RAB26: variants seen among roughly 807,000 people sequenced by gnomAD.
RAB26 encodes ras-related protein Rab-26.
Under a neutral mutation model 33.1 loss-of-function variants are expected in RAB26, and 39 were observed. That is an observed-to-expected ratio of 1.18 (90% CI 0.91 to 1.54). The LOEUF is 1.54. RAB26 is among the 40% of genes most tolerant of loss of function. The pLI is 0.00. For synonymous variants in RAB26, 192 were observed against 151.9 expected (o/e 1.26, Z -1.94); for missense variants, 468 against 362.9 (o/e 1.29, Z -2.35).
In RAB26 at chr16:2,152,838, CACGAGT is replaced by C; in HGVS notation, c.491_496del (p.Glu164_Tyr165del). 6.2e-7 allele frequency: 1 copy of C among 1,607,584 alleles called. No individual in the cohort carries two copies. Among genetic ancestry groups the C allele is most frequent in the Non-Finnish European group, 8.5e-7 (1 of 1,178,062 alleles). On this transcript the variant is annotated inframe_deletion, in exon 6 of 9. Coordinates refer to ENST00000210187, the MANE Select transcript of RAB26 (RefSeq NM_014353.5). Reference sequence around the variant, plus strand: ...CCCACAGGCCTGGCTGACCGAGATCCACGAGTACGCCCAGCACGACGTGGCGCTCAT... The same window carrying C: ...CCCACAGGCCTGGCTGACCGAGATCCACGCCCAGCACGACGTGGCGCTCAT...
At chr16:2,150,919 C>T (rs2093002803) in intron 2 of RAB26, among the ~76,000 whole-genome samples, 1 of 151,918 alleles carries the variant, frequency 6.6e-6, no homozygotes, top group South Asian at 2.1e-4. Context: ...GGGCCTCAGA[C>T]TGCGGCTGAA....
rs1308743120 is a variant in RAB26 at position 2,148,906 on chromosome 16, G to A, written c.123G>A (p.Pro41=). The change falls in exon 1 of 9, where the codon CCG becomes CCA. Residue 41 remains proline, a synonymous_variant. Transcript: ENST00000210187. ...SGTALSGPDA[P]PNGPLQPGRP... is the part of the protein sequence containing the mutation. ...CTGCGCTTTCCGGCCCCGACGCGCC[G>A]CCCAACGGGCCCTTGCAGCCCGGCC... 9 of 1,322,858 alleles carry A rather than the reference G, an allele frequency of 6.8e-6. No homozygotes were observed. Among genetic ancestry groups the A allele is most frequent in the Admixed American group, 3.7e-5 (1 of 26,930 alleles). The allele number at this position is 1,322,858 out of a possible 1,614,324, so 81.9% of individuals were successfully genotyped here. A position where few individuals can be genotyped will look rare whatever the true frequency, so the allele number is the denominator to read the frequency against.
Position 2,153,307 on chromosome 16 carries a change from C to T in RAB26, c.669-12C>T. On this transcript the variant is annotated splice_polypyrimidine_tract_variant and intron_variant, in intron 8 of 8. Coordinates refer to ENST00000210187, the MANE Select transcript of RAB26 (RefSeq NM_014353.5). The stretch of plus-strand genomic sequence containing the variant: ...CAGGCCATCGTGTCCCCTTGTCACC[C>T]CCACTCCGCAGGGAGTTGAAGCAGC... The T allele has an allele frequency of 6.2e-7, 1 of 1,613,510 alleles. No individual in the cohort carries two copies.
rs372546950 is a variant in RAB26, at chr16:2,153,057, C to A, written c.591+12C>A. 2.5e-6 allele frequency: 4 copies of A among 1,610,726 alleles called. No individual in the cohort carries two copies. In the African/African-American group the frequency reaches 4.0e-5, roughly 16 times the overall value. On this transcript the variant is annotated intron_variant, in intron 7 of 8. Transcript: ENST00000210187. Reference sequence around the variant, plus strand: ...AGAAGCTGGCCAAGGTGAGTCAGGGCAGGGGGGTGGTGAGGGGGTGCCCCT... The same window carrying A: ...AGAAGCTGGCCAAGGTGAGTCAGGGAAGGGGGGTGGTGAGGGGGTGCCCCT...
chr16:2,152,793 C>G (rs750790545), intron 5 of RAB26, 27 bp from the exon 6 acceptor site: 2 of 1,598,684 alleles, frequency 1.3e-6, no homozygotes, highest in South Asian at 1.1e-5. Flanking sequence ...TGCAGGGAGC[C>G]CCAGCCTGGT....
In RAB26 at chr16:2,153,563, C is replaced by T. The variant is rs1043002598; in HGVS notation, c.*142C>T. On this transcript the variant is annotated 3_prime_UTR_variant, in exon 9 of 9. Coordinates refer to ENST00000210187, the MANE Select transcript of RAB26 (RefSeq NM_014353.5). ...CAGGAGCCCCAGGTCAAGCCTTGTC[C>T]CTTCCTCCTCCCAGCAACAGTCCCA... The T allele has an allele frequency of 2.0e-5, 15 of 740,146 alleles. No homozygotes were observed. Among genetic ancestry groups the T allele is most frequent in the Non-Finnish European group, 3.4e-5 (15 of 444,788 alleles). 45.8% of individuals were successfully genotyped at this position (740,146 alleles called of 1,614,324 possible).
At chr16:2,149,903 G>T in intron 1 of RAB26, 38 bp from the exon 2 acceptor site, 1 of 1,465,198 alleles carries the variant, frequency 6.8e-7, no homozygotes, top group Non-Finnish European at 9.1e-7. Flanking sequence ...CCAGCTCAGG[G>T]CAGACCAGAC....
chr16:2,153,633 G>T lies in RAB26; in HGVS notation c.*212G>T. The T allele has an allele frequency of 7.5e-6, 5 of 664,322 alleles. No homozygotes were observed. The highest frequency in any genetic ancestry group is 1.1e-5 in the Non-Finnish European group (4 of 364,308). The allele number at this position is 664,322 out of a possible 1,614,324, so 41.2% of individuals were successfully genotyped here. A position where few individuals can be genotyped will look rare whatever the true frequency, so the allele number is the denominator to read the frequency against. On this transcript the variant is annotated 3_prime_UTR_variant, in exon 9 of 9. Transcript: ENST00000210187. Reference sequence around the variant, plus strand: ...CCCGTGGCCGCACACTGGCCGCCACGGAAAAGCAGTCTTCTGCACGGGACG... The same window carrying T: ...CCCGTGGCCGCACACTGGCCGCCACTGAAAAGCAGTCTTCTGCACGGGACG...
chr16:2,148,782 C>T lies in RAB26; in HGVS notation c.-2C>T. ...CGGGAGCACACTGAGCGCCCGCCCGCCATGTCCAGGAAGAAGACCCCCAAG... is the reference window on the plus strand; with the variant it reads ...CGGGAGCACACTGAGCGCCCGCCCGTCATGTCCAGGAAGAAGACCCCCAAG... On this transcript the variant is annotated 5_prime_UTR_variant, in exon 1 of 9. Coordinates refer to ENST00000210187, the MANE Select transcript of RAB26 (RefSeq NM_014353.5). 7.5e-7 allele frequency: 1 copy of T among 1,335,614 alleles called. No individual in the cohort carries two copies. The highest frequency in any genetic ancestry group is 9.5e-7 in the Non-Finnish European group (1 of 1,048,416). The allele number at this position is 1,335,614 out of a possible 1,614,324, so 82.7% of individuals were successfully genotyped here.
At position 2,153,636 on chromosome 16, in the gene RAB26, A is replaced by G. The variant is rs779268732; in HGVS notation, c.*215A>G. ...GTGGCCGCACACTGGCCGCCACGGA[A>G]AAGCAGTCTTCTGCACGGGACGGGG... On this transcript the variant is annotated 3_prime_UTR_variant, in exon 9 of 9. Transcript: ENST00000210187. The G allele has an allele frequency of 1.5e-5, 10 of 664,342 alleles. No individual in the cohort carries two copies. The highest frequency in any genetic ancestry group is 1.2e-4 in the African/African-American group (7 of 56,168). The allele number at this position is 664,342 out of a possible 1,614,324, so 41.2% of individuals were successfully genotyped here. A position where few individuals can be genotyped will look rare whatever the true frequency, so the allele number is the denominator to read the frequency against.
chr16:2,151,729 G>C lies in RAB26; in HGVS notation c.383G>C (p.Ser128Thr). 6.2e-7 allele frequency: 1 copy of C among 1,613,992 alleles called. No individual in the cohort carries two copies. Among genetic ancestry groups the C allele is most frequent in the Non-Finnish European group, 8.5e-7 (1 of 1,180,018 alleles). Residue 128 changes from serine (S) to threonine (T), a missense_variant, in exon 4 of 9, where the codon AGT becomes ACT. Ser to Thr is a moderately conservative substitution (Grantham distance 58). Coordinates refer to ENST00000210187, the MANE Select transcript of RAB26 (RefSeq NM_014353.5). The stretch of plus-strand genomic sequence containing the variant: ...ACAGCTGGTCAGGAGCGGTTCCGCA[G>C]TGTTACCCATGCCTACTACCGGGAT... ...WDTAGQERFRSVTHAYYRDAH... is the reference protein window; with the variant it reads ...WDTAGQERFRTVTHAYYRDAH...
chr16:2,149,069 G>A lies in RAB26; in HGVS notation c.195+91G>A, dbSNP rs1198509586. 7.4e-6 allele frequency: 9 copies of A among 1,212,134 alleles called. No individual in the cohort carries two copies. In the African/African-American group the frequency reaches 7.9e-5, roughly 11 times the overall value. The allele number at this position is 1,212,134 out of a possible 1,614,324, so 75.1% of individuals were successfully genotyped here. On this transcript the variant is annotated intron_variant, in intron 1 of 8. Transcript: ENST00000210187. Reference sequence around the variant, plus strand: ...GGGTCGGACAGGGGGTGCAGGGCCCGCGGCCCCAGGGCGCGGAGCCGACGC... The same window carrying A: ...GGGTCGGACAGGGGGTGCAGGGCCCACGGCCCCAGGGCGCGGAGCCGACGC...
Position 2,148,893 on chromosome 16 carries a change from GC to G in RAB26, c.114del (p.Asp39ThrfsTer59). The G allele has an allele frequency of 3.7e-6, 5 of 1,347,652 alleles. No homozygotes were observed. The highest frequency in any genetic ancestry group is 4.8e-6 in the Non-Finnish European group (5 of 1,046,900). The allele number at this position is 1,347,652 out of a possible 1,614,324, so 83.5% of individuals were successfully genotyped here. On this transcript the variant is annotated frameshift_variant, in exon 1 of 9. Coordinates refer to ENST00000210187, the MANE Select transcript of RAB26 (RefSeq NM_014353.5). LOFTEE classifies it high-confidence loss of function. ...RPARSGTALS[G>X]PDAPPNGPLQ... ...GCGCGCTCCGGGACTGCGCTTTCCG[GC>G]CCCGACGCGCCGCCCAACGGGCCCT...
chr16:2,151,003 G>T (rs1378893835), intron 2 of RAB26: 3 of 329,422 alleles, frequency 9.1e-6, no homozygotes, highest in African/African-American at 6.5e-5. Flanking sequence ...CGTTAACTGG[G>T]AGGGCCCGGC....
At chr16:2,151,378 A>G in intron 2 of RAB26, 191 bp from the exon 3 acceptor site, 7 of 691,492 alleles carry the variant, frequency 1.0e-5, no homozygotes, top group Non-Finnish European at 1.5e-5. Flanking sequence ...AAGCAGGAAT[A>G]GTGCAGAGGC....
In RAB26 at chr16:2,152,880, A is replaced by G; in HGVS notation, c.529A>G (p.Asn177Asp). 1 of 1,605,504 alleles carries G rather than the reference A, an allele frequency of 6.2e-7. No individual in the cohort carries two copies. The highest frequency in any genetic ancestry group is 8.5e-7 in the Non-Finnish European group (1 of 1,175,780). The change falls in exon 6 of 9, where the codon AAC (asparagine) becomes GAC (aspartate). Residue 177 changes from asparagine to aspartate, a missense_variant. Physicochemically the swap from Asn to Asp is conservative, Grantham distance 23. Transcript: ENST00000210187. Reference protein sequence around the residue: ...QHDVALMLLGNKVDSAHERVV... With the variant: ...QHDVALMLLGDKVDSAHERVV... ...CGACGTGGCGCTCATGCTGCTGGGGAACAAGGTGGGAGGCCCGGCTGTCCT... is the reference window on the plus strand; with the variant it reads ...CGACGTGGCGCTCATGCTGCTGGGGGACAAGGTGGGAGGCCCGGCTGTCCT...
rs1596657700 is a variant in RAB26, at chr16:2,151,728, AGT to A, written c.385_386del (p.Val129TyrfsTer24). On this transcript the variant is annotated frameshift_variant, in exon 4 of 9. Transcript: ENST00000210187. LOFTEE classifies it high-confidence loss of function. The part of the protein sequence containing the change: ...WDTAGQERFR[S>X]VTHAYYRDAH... ...CACAGCTGGTCAGGAGCGGTTCCGCAGTGTTACCCATGCCTACTACCGGGATG... is the reference window on the plus strand; with the variant it reads ...CACAGCTGGTCAGGAGCGGTTCCGCAGTTACCCATGCCTACTACCGGGATG... The A allele has an allele frequency of 6.2e-7, 1 of 1,613,944 alleles. No individual in the cohort carries two copies.
intron 2 of RAB26, 103 bp downstream of exon 2, chr16:2,150,154 C>T (rs1362701903): frequency 5.6e-6 from 6 of 1,067,438 alleles, no homozygotes; most frequent in Middle Eastern, 2.0e-4. Flanking sequence ...AGGCCTGGAC[C>T]CCAGAAGCTG....
At position 2,153,036 on chromosome 16, in the gene RAB26, G is replaced by A. The variant is rs776026915; in HGVS notation, c.582G>A (p.Lys194=). 1.9e-6 allele frequency: 3 copies of A among 1,604,552 alleles called. No homozygotes were observed. The highest frequency in any genetic ancestry group is 1.7e-6 in the Non-Finnish European group (2 of 1,173,358). The change falls in exon 7 of 9, where the codon AAG becomes AAA. Residue 194 remains lysine (K), a synonymous_variant. Transcript: ENST00000210187. The part of the protein sequence containing the change: ...ERVVKREDGE[K]LAKEYGLPFM... ...TGGTGAAGAGGGAGGACGGGGAGAA[G>A]CTGGCCAAGGTGAGTCAGGGCAGGG...
Sources: gnomAD v4.1 joint callset for allele counts (sites outside exome capture counted in the v4.1 genomes callset) on GRCh38, gnomAD v4.1.1 for gene constraint, MANE v1.5 for transcripts, NCBI Gene and HGNC (gene_info 2026-07-23, HGNC 2026-07-21) for gene names.